The following FRY variants were observed in gnomAD, a reference collection of about 807,000 sequenced individuals.
The protein encoded by FRY is protein furry homolog.
In FRY, 128 loss-of-function variants were observed where a neutral mutation model predicts 348.4. That is an observed-to-expected ratio of 0.37 (90% CI 0.32 to 0.43). The LOEUF is 0.43. FRY is among the 20% of genes least tolerant of loss of function. FRY has a pLI of 1.00. For synonymous variants in FRY, 1,370 were observed against 1,374.7 expected, an observed-to-expected ratio of 1.00 and a Z score of 0.08; for missense variants, 2,736 against 3,695.2, an observed-to-expected ratio of 0.74 and a Z score of 6.73.
At chr13:32,209,154 C>G in intron 32 of FRY, 45 bp downstream of exon 32, 2 of 1,610,130 alleles carry the variant, frequency 1.2e-6, no homozygotes, top group Non-Finnish European at 1.7e-6. Flanking sequence ...GCTCCATCAT[C>G]AGAAAAAAAC....
At chr13:32,225,247 AC>A (rs1885522101) in intron 38 of FRY, among the ~76,000 whole-genome samples, 1 of 152,236 alleles carries the variant, frequency 6.6e-6, no homozygotes, top group Non-Finnish European at 1.5e-5. Context: ...CCATGTAAAT[AC>A]AGTGGTTTCT....
intron 50 of FRY, among the ~76,000 whole-genome samples, chr13:32,253,325 G>T (rs1335303061): frequency 6.6e-6 from 1 of 152,172 alleles, no homozygotes; most frequent in Non-Finnish European, 1.5e-5. Flanking sequence ...GAGGAAAAAA[G>T]TACACTTGAA....
At chr13:32,039,751 A>T (rs1872680874) in intron 1 of FRY, among the ~76,000 whole-genome samples, 1 of 152,188 alleles carries the variant, frequency 6.6e-6, no homozygotes, top group African/African-American at 2.4e-5. Flanking sequence ...TGAGCTGCAG[A>T]TGGAAATTTA....
intron 26 of FRY, among the ~76,000 whole-genome samples, chr13:32,185,609 G>A (rs1233183387): frequency 6.6e-6 from 1 of 152,006 alleles, no homozygotes; most frequent in Non-Finnish European, 1.5e-5. Context: ...ATTACATTAT[G>A]GAGAAAATTA....
intron 1 of FRY, chr13:32,061,036 G>A (rs965003723): frequency 1.2e-5 from 6 of 513,330 alleles, no homozygotes; most frequent in Admixed American, 6.3e-5. Context: ...ATCATTATGT[G>A]TTTTGGCTTT....
At chr13:32,032,286 G>T (rs1368804470) in intron 1 of FRY, among the ~76,000 whole-genome samples, 1 of 152,150 alleles carries the variant, frequency 6.6e-6, no homozygotes, top group Admixed American at 6.5e-5. Context: ...TAATCAAAGG[G>T]GTGTGGCAGG....
At chr13:32,243,234 C>T (rs1886607208) in intron 46 of FRY, among the ~76,000 whole-genome samples, 1 of 152,148 alleles carries the variant, frequency 6.6e-6, no homozygotes, top group African/African-American at 2.4e-5. Flanking sequence ...TCCTCCACTG[C>T]CTTTAAAAAT....
At chr13:32,253,074 G>A (rs1887164770) in intron 50 of FRY, among the ~76,000 whole-genome samples, 1 of 152,152 alleles carries the variant, frequency 6.6e-6, no homozygotes, top group African/African-American at 2.4e-5. Flanking sequence ...CCTGTGCTAA[G>A]GCCTTTTCAG....
intron 1 of FRY, among the ~76,000 whole-genome samples, chr13:32,063,443 C>T (rs1444801466): frequency 1.3e-5 from 2 of 152,172 alleles, no homozygotes; most frequent in East Asian, 1.9e-4. Flanking sequence ...CCTCCAGAGC[C>T]TTTTGACCAT....
intron 56 of FRY, among the ~76,000 whole-genome samples, chr13:32,276,227 GC>G (rs1367415080): frequency 6.6e-6 from 1 of 152,132 alleles, no homozygotes; most frequent in Non-Finnish European, 1.5e-5. Context: ...TGTCTTATCT[GC>G]CTATACTAAT....
At position 32,287,860 on chromosome 13, in the gene FRY, T is replaced by C. The variant is rs772038354; in HGVS notation, c.8470-1773T>C. On this transcript the variant is annotated intron_variant, in intron 58 of 60. Transcript: ENST00000542859. The stretch of plus-strand genomic sequence containing the variant: ...CCTTTGTTTCCTGTGCCATGCTTGC[T>C]GTGTAGCAAATGGAATCTCTTGCAG... 2.2e-6 allele frequency: 3 copies of C among 1,353,346 alleles called. No homozygotes were observed. In the Admixed American group the frequency reaches 5.8e-5, roughly 26 times the overall value. The allele number at this position is 1,353,346 out of a possible 1,614,324, so 83.8% of individuals were successfully genotyped here. A position where few individuals can be genotyped will look rare whatever the true frequency, so the allele number is the denominator to read the frequency against.
At chr13:32,039,702 T>A (rs1389370434) in intron 1 of FRY, among the ~76,000 whole-genome samples, 1 of 152,218 alleles carries the variant, frequency 6.6e-6, no homozygotes, top group Non-Finnish European at 1.5e-5. Context: ...GTAATGAGTC[T>A]GATTTGGTTT....
chr13:32,276,893 T>A (rs938501141), intron 57 of FRY, among the ~76,000 whole-genome samples: 4 of 152,256 alleles, frequency 2.6e-5, no homozygotes, highest in African/African-American at 9.6e-5. Context: ...CCTTCCAGTG[T>A]TAGCCTCACC....
At chr13:32,276,967 A>C (rs577880043) in intron 57 of FRY, among the ~76,000 whole-genome samples, 14 of 152,310 alleles carry the variant, frequency 9.2e-5, no homozygotes, top group Non-Finnish European at 2.1e-4. Context: ...TGCGTCTGCC[A>C]GTCCCCAGGG....
At chr13:32,183,648 C>T (rs190665437) in intron 24 of FRY, among the ~76,000 whole-genome samples, 303 of 152,020 alleles carry the variant, frequency 2.0e-3, no homozygotes, top group African/African-American at 6.7e-3. Context: ...TGGTGGCACG[C>T]GCCTGTAGTC....
Position 32,243,416 on chromosome 13 carries a change from ATC to A in FRY, c.6688-622_6688-621del, listed in dbSNP as rs555902889. 1.4e-3 allele frequency among the ~76,000 whole-genome samples: 217 copies of A among 152,342 alleles called. 2 individuals are homozygous for A. Among genetic ancestry groups the A allele is most frequent in the African/African-American group, 5.0e-3 (206 of 41,580 alleles). ...ATCTTATACATAAATCTTAATGTCT[ATC>A]TCTGGTTTGAGAAACATTCCTAAAA... On this transcript the variant is annotated intron_variant, in intron 46 of 60. Transcript: ENST00000542859.
At chr13:32,069,762 G>A (rs908303193) in intron 1 of FRY, among the ~76,000 whole-genome samples, 7 of 152,050 alleles carry the variant, frequency 4.6e-5, no homozygotes, top group Admixed American at 2.6e-4. Flanking sequence ...TGTGCACAAC[G>A]TGCAGGTTTG....
intron 39 of FRY, among the ~76,000 whole-genome samples, chr13:32,227,926 A>AT (rs1348455371): frequency 2.0e-5 from 3 of 151,956 alleles, no homozygotes; most frequent in South Asian, 2.1e-4. Flanking sequence ...TAATTTTTGT[A>AT]TTTTTGGTAG....
intron 1 of FRY, among the ~76,000 whole-genome samples, chr13:32,053,621 A>T (rs943313622): frequency 3.3e-5 from 5 of 152,228 alleles, no homozygotes; most frequent in Non-Finnish European, 4.4e-5. Context: ...CAGAGTCCAT[A>T]CTTGGCCTCA....
Sources: allele counts gnomAD v4.1 joint callset (sites outside exome capture counted in the v4.1 genomes callset), GRCh38; gene constraint gnomAD v4.1.1; transcripts MANE v1.5; gene names NCBI Gene and HGNC (gene_info 2026-07-23, HGNC 2026-07-21).